CACNA1C: variants seen among roughly 807,000 people sequenced by gnomAD.
CACNA1C encodes voltage-dependent L-type calcium channel subunit alpha-1C.
In CACNA1C, 30 loss-of-function variants were observed where a neutral mutation model predicts 229.0. That is an observed-to-expected ratio of 0.13 (90% CI 0.10 to 0.18). The LOEUF (loss-of-function observed/expected upper bound fraction) is 0.18. Ranked by LOEUF, CACNA1C falls within the 10% of genes least tolerant of loss-of-function variation. The pLI is 1.00. For missense variants in CACNA1C, 1,658 were observed against 2,845.0 expected (o/e 0.58, Z 9.49); for synonymous variants, 1,114 against 1,132.5 (o/e 0.98, Z 0.33).
Position 2,329,477 on chromosome 12 carries a change from G to T in CACNA1C, c.478-119499G>T, listed in dbSNP as rs540976517. ...ACCAGCCAATGCAGTGAGGGCCGAT[G>T]CCTGTCCCCATCAATGAACATCATT... On this transcript the variant is annotated intron_variant, in intron 3 of 46. Coordinates refer to ENST00000399655, the MANE Select transcript of CACNA1C (RefSeq NM_000719.7). Among the ~76,000 whole-genome samples, 3 of 152,294 alleles carry T rather than the reference G, an allele frequency of 2.0e-5. No homozygotes were observed. The South Asian group carries it at 6.2e-4, about 32-fold the overall frequency.
At chr12:2,505,870 T>A (rs897614932) in intron 8 of CACNA1C, among the ~76,000 whole-genome samples, 4 of 152,130 alleles carry the variant, frequency 2.6e-5, no homozygotes, top group African/African-American at 9.7e-5. Flanking sequence ...GTAATCTACT[T>A]CTACTCTGCT....
At chr12:2,405,343 C>G (rs546091706) in intron 3 of CACNA1C, among the ~76,000 whole-genome samples, 2 of 152,236 alleles carry the variant, frequency 1.3e-5, no homozygotes, top group Non-Finnish European at 2.9e-5. Context: ...TTCATGTGAC[C>G]ACTGCCGCAG....
intron 9 of CACNA1C, among the ~76,000 whole-genome samples, chr12:2,535,875 A>G (rs142993266): frequency 1.6e-4 from 24 of 152,350 alleles, no homozygotes; most frequent in Admixed American, 4.6e-4. Flanking sequence ...GCTACATAGC[A>G]GGGCAAGCTG....
At chr12:2,483,375 G>C (rs1004331776) in intron 5 of CACNA1C, among the ~76,000 whole-genome samples, 7 of 152,060 alleles carry the variant, frequency 4.6e-5, no homozygotes, top group Non-Finnish European at 1.5e-5. Context: ...TTGAAGACTG[G>C]GCAACACTGG....
At chr12:2,099,799 C>T (rs1216739861) in intron 1 of CACNA1C, among the ~76,000 whole-genome samples, 2 of 152,134 alleles carry the variant, frequency 1.3e-5, no homozygotes, top group Admixed American at 1.3e-4. Flanking sequence ...TGCCTGAGGC[C>T]GCTTCCCCAT....
intron 3 of CACNA1C, among the ~76,000 whole-genome samples, chr12:2,162,036 C>T (rs925811566): frequency 6.6e-6 from 1 of 152,100 alleles, no homozygotes; most frequent in Admixed American, 6.6e-5. Flanking sequence ...AGTTTATTTA[C>T]GAGTAAGTCT....
At chr12:2,318,839 G>A (rs2095824960) in intron 3 of CACNA1C, among the ~76,000 whole-genome samples, 1 of 151,680 alleles carries the variant, frequency 6.6e-6, no homozygotes, top group Non-Finnish European at 1.5e-5. Context: ...TAGAGGAGCG[G>A]GCAGAGAGAC....
intron 1 of CACNA1C, among the ~76,000 whole-genome samples, chr12:2,095,438 GT>G (rs1269309353): frequency 4.6e-5 from 7 of 152,352 alleles, no homozygotes; most frequent in South Asian, 4.1e-4. Flanking sequence ...ATGAAAAATG[GT>G]AGTGCCATTG....
At chr12:2,178,344 A>G (rs1004669986) in intron 3 of CACNA1C, among the ~76,000 whole-genome samples, 5 of 152,212 alleles carry the variant, frequency 3.3e-5, no homozygotes, top group Non-Finnish European at 4.4e-5. Flanking sequence ...AGTTTCTTCA[A>G]GGGGCCATGC....
intron 3 of CACNA1C, among the ~76,000 whole-genome samples, chr12:2,180,421 G>A (rs574973792): frequency 6.6e-6 from 1 of 152,348 alleles, no homozygotes; most frequent in African/African-American, 2.4e-5. Flanking sequence ...TTTGGAGGAA[G>A]CGAAATGTCC....
intron 3 of CACNA1C, among the ~76,000 whole-genome samples, chr12:2,328,065 G>T (rs1425467111): frequency 6.6e-6 from 1 of 152,228 alleles, no homozygotes; most frequent in Non-Finnish European, 1.5e-5. Flanking sequence ...GATTTTGATA[G>T]AACTTCAGCC....
chr12:2,054,211 T>A lies in CACNA1C; in HGVS notation c.49+600T>A, dbSNP rs1295706869. ...TGTGAAGCCCAGCGCGCCCCTCTGG[T>A]TCCCCCTCTGTAGGTCCCCTTCTTC... On this transcript the variant is annotated intron_variant, in intron 1 of 46. Transcript: ENST00000399655. This position sits in a 1 kb window ranked among gnomAD's most constrained non-coding sequence, Gnocchi z 5.5. Among the ~76,000 whole-genome samples the A allele has an allele frequency of 6.6e-6, 1 of 151,874 alleles. No individual in the cohort carries two copies. The highest frequency in any genetic ancestry group is 1.5e-5 in the Non-Finnish European group (1 of 67,914).
chr12:2,437,851 GATGGTGGTGATGGTGGTGGTA>G (rs1567677089), intron 3 of CACNA1C, among the ~76,000 whole-genome samples: 1 of 150,922 alleles, frequency 6.6e-6, no homozygotes, highest in Non-Finnish European at 1.5e-5. Flanking sequence ...TGGTGGTGAT[GATGGTGGTGATGGTGGTGGTA>G]ATGGTGGTGG....
Position 2,597,472 on chromosome 12 carries a change from C to A in CACNA1C, c.2853+183C>A, listed in dbSNP as rs2153373928. 6.2e-7 allele frequency: 1 copy of A among 1,608,704 alleles called. No homozygotes were observed. Among genetic ancestry groups the A allele is most frequent in the South Asian group, 1.1e-5 (1 of 90,956 alleles). The stretch of plus-strand genomic sequence containing the variant: ...ATGCAGACTATGTCTTCACTAGTAT[C>A]TTTACATTAGAAATTATCCTTAAGG... On this transcript the variant is annotated intron_variant, in intron 21 of 46. Coordinates refer to ENST00000399655, the MANE Select transcript of CACNA1C (RefSeq NM_000719.7). This position sits in a 1 kb window ranked among gnomAD's most constrained non-coding sequence, Gnocchi z 4.3.
At chr12:2,316,550 A>G (rs1318125399) in intron 3 of CACNA1C, among the ~76,000 whole-genome samples, 1 of 152,218 alleles carries the variant, frequency 6.6e-6, no homozygotes, top group East Asian at 1.9e-4. Flanking sequence ...GCTTTAGCTG[A>G]CAAGGAAAGC....
intron 3 of CACNA1C, among the ~76,000 whole-genome samples, chr12:2,389,689 G>A (rs955810084): frequency 1.3e-5 from 2 of 152,082 alleles, no homozygotes; most frequent in African/African-American, 4.8e-5. Context: ...CTACACTTGG[G>A]GCCTCCATTT....
At chr12:2,364,597 C>A (rs2097672868) in intron 3 of CACNA1C, among the ~76,000 whole-genome samples, 1 of 152,146 alleles carries the variant, frequency 6.6e-6, no homozygotes, top group African/African-American at 2.4e-5. Context: ...AAAAGCAGAA[C>A]GTTTAAATAC....
chr12:2,140,398 T>C (rs188408612), intron 3 of CACNA1C, among the ~76,000 whole-genome samples: 1 of 151,302 alleles, frequency 6.6e-6, no homozygotes, highest in Admixed American at 6.6e-5. Flanking sequence ...TCGATGAGTA[T>C]TTGCTGAATA....
rs114625551 is a variant in CACNA1C, at chr12:2,493,861, T to C, written c.1113+475T>C. Among the ~76,000 whole-genome samples the C allele has an allele frequency of 7.6e-3, 1,160 of 152,372 alleles. 15 individuals carry two copies. The highest frequency in any genetic ancestry group is 0.027 in the African/African-American group (1,115 of 41,588). ...AAGAAACCATTTTTATTGAATTGTG[T>C]AGCATTGTGACATGCTATTCAATTT... On this transcript the variant is annotated intron_variant, in intron 7 of 46. Transcript: ENST00000399655. The surrounding 1 kb of genome is among the most constrained non-coding windows in gnomAD (Gnocchi z 4.6).
Sources: allele counts gnomAD v4.1 joint callset (sites outside exome capture counted in the v4.1 genomes callset), GRCh38; gene constraint gnomAD v4.1.1; non-coding constraint Gnocchi (gnomAD v3.1); transcripts MANE v1.5; gene names NCBI Gene and HGNC (gene_info 2026-07-23, HGNC 2026-07-21).